The following ATM variants were observed in gnomAD, a reference collection of about 807,000 sequenced individuals.
ATM encodes ATM serine/threonine kinase.
A neutral mutation model predicts 387.0 loss-of-function variants in ATM; 308 were observed. The ratio of observed to expected loss-of-function variants is 0.80; its 90% CI spans 0.73 to 0.87. The LOEUF (loss-of-function observed/expected upper bound fraction) is 0.87, where lower values mean the gene tolerates loss of function less well. ATM is among the 40% of genes least tolerant of loss of function. The pLI is 0.00. For synonymous variants in ATM, 1,156 were observed against 1,187.3 expected (o/e 0.97, Z 0.54); for missense variants, 3,312 against 3,560.9 (o/e 0.93, Z 1.78).
At chr11:108,335,250 A>G (rs1159507302) in intron 55 of ATM, 141 bp downstream of exon 55, 1 of 1,537,082 alleles carries the variant, frequency 6.5e-7, no homozygotes, top group East Asian at 2.4e-5. Context: ...GTAGAAATGC[A>G]TTATTTTCTA....
intron 56 of ATM, chr11:108,340,226 T>C (rs1019860101): frequency 2.0e-5 from 3 of 152,176 alleles, no homozygotes; most frequent in African/African-American, 7.2e-5. Context: ...ATGAACCCCC[T>C]TGTACTTGTC....
At chr11:108,252,716 T>C (rs1591530382) in intron 11 of ATM, 101 bp from the exon 12 acceptor site, 2 of 828,830 alleles carry the variant, frequency 2.4e-6, no homozygotes, top group Non-Finnish European at 3.9e-6. Flanking sequence ...GATCCAAATT[T>C]TAGAAGTCAA....
rs876659907 is a variant in ATM, at chr11:108,268,613, A to G, written c.2838+4A>G. 3 of 1,613,164 alleles carry G rather than the reference A, an allele frequency of 1.9e-6. No individual in the cohort carries two copies. The African/African-American group carries it at 4.0e-5, about 22-fold the overall frequency. ...CAAATCCCTCCACCTGCATATGGTGAGTTACGTTAAATGAAGAAGCTCTTG... is the reference window on the plus strand; with the variant it reads ...CAAATCCCTCCACCTGCATATGGTGGGTTACGTTAAATGAAGAAGCTCTTG... On this transcript the variant is annotated splice_donor_region_variant and intron_variant, in intron 18 of 62. Coordinates refer to ENST00000675843, the MANE Select transcript of ATM (RefSeq NM_000051.4).
At chr11:108,329,318 G>T (rs2086016249) in intron 49 of ATM, 80 bp downstream of exon 49, 3 of 1,286,366 alleles carry the variant, frequency 2.3e-6, no homozygotes, top group Non-Finnish European at 3.3e-6. Flanking sequence ...GAGTGACTTG[G>T]TCTTTTTATC....
rs1565608982 is a variant in ATM, at chr11:108,365,370, G to T, written c.9033G>T (p.Met3011Ile). 1 of 1,614,142 alleles carries T rather than the reference G, an allele frequency of 6.2e-7. No homozygotes were observed. The highest frequency in any genetic ancestry group is 8.5e-7 in the Non-Finnish European group (1 of 1,180,028). The change falls in exon 63 of 63, where the codon ATG becomes ATT. Residue 3011 changes from methionine to isoleucine, a missense_variant. Physicochemically the swap from Met to Ile is conservative, Grantham distance 10 (BLOSUM62 1). Coordinates refer to ENST00000675843, the MANE Select transcript of ATM (RefSeq NM_000051.4). ...SFNKVAERVL[M>I]RLQEKLKGVE... Reference sequence around the variant, plus strand: ...ACAAAGTAGCTGAACGTGTCTTAATGAGACTACAAGAGAAACTGAAAGGAG... The same window carrying T: ...ACAAAGTAGCTGAACGTGTCTTAATTAGACTACAAGAGAAACTGAAAGGAG...
At chr11:108,323,882 G>A (rs2085410873) in intron 45 of ATM, among the ~76,000 whole-genome samples, 1 of 152,026 alleles carries the variant, frequency 6.6e-6, no homozygotes, top group Non-Finnish European at 1.5e-5. Flanking sequence ...AAATGCAGAA[G>A]CAGAGATAAG....
At chr11:108,262,109 T>C (rs2080929922) in intron 16 of ATM, among the ~76,000 whole-genome samples, 1 of 151,904 alleles carries the variant, frequency 6.6e-6, no homozygotes, top group African/African-American at 2.4e-5. Flanking sequence ...CAGGCCAACA[T>C]TCAGATTCAG....
Position 108,250,161 on chromosome 11 carries a change from TA to T in ATM, c.1236-539del, listed in dbSNP as rs1565380900. On this transcript the variant is annotated intron_variant, in intron 9 of 62. Transcript: ENST00000675843. ...TGCTAAATATATATATATATATATA[TA>T]TATTTTCTGAGACGGAGGCTCACTC... Among the ~76,000 whole-genome samples, 19 of 151,042 alleles carry T rather than the reference TA, an allele frequency of 1.3e-4. 1 individual carries two copies. Among genetic ancestry groups the T allele is most frequent in the Admixed American group, 5.9e-4 (9 of 15,162 alleles).
At chr11:108,260,873 G>T (rs186546799) in intron 16 of ATM, among the ~76,000 whole-genome samples, 1 of 152,232 alleles carries the variant, frequency 6.6e-6, no homozygotes, top group Non-Finnish European at 1.5e-5. Context: ...CAAAGAAAGG[G>T]GGGACGGACG....
chr11:108,277,993 G>T (rs1405907998), intron 22 of ATM, among the ~76,000 whole-genome samples: 1 of 151,884 alleles, frequency 6.6e-6, no homozygotes, highest in Admixed American at 6.6e-5. Flanking sequence ...AACAATACTT[G>T]GCATGTGATA....
chr11:108,284,227 A>G lies in ATM; in HGVS notation c.3747A>G (p.Arg1249=), dbSNP rs1480230476. 1 of 1,603,262 alleles carries G rather than the reference A, an allele frequency of 6.2e-7. No homozygotes were observed. The highest frequency in any genetic ancestry group is 8.5e-7 in the Non-Finnish European group (1 of 1,172,372). ...GTATTTTAAATTTTTCTATTTTTAG[A>G]TCTTGTTATAAGGTTTTGATTCCAC... The part of the protein sequence containing the change: ...LNYTNIEDFY[R]SCYKVLIPHL... Residue 1249 remains arginine, a splice_region_variant and synonymous_variant, in exon 26 of 63, where the codon AGA becomes AGG. Transcript: ENST00000675843.
Position 108,244,104 on chromosome 11 carries a change from TATTC to T in ATM, c.650_653del (p.Ile217SerfsTer12). On this transcript the variant is annotated frameshift_variant, in exon 6 of 63. Transcript: ENST00000675843. LOFTEE classifies it high-confidence loss of function. The stretch of plus-strand genomic sequence containing the variant: ...AATTTTTGGACTTTTTTTCCAAGGC[TATTC>T]AGTGTGCGAGGTAATCTAATCTCTT... 6.2e-7 allele frequency: 1 copy of T among 1,613,880 alleles called. No homozygotes were observed. The highest frequency in any genetic ancestry group is 8.5e-7 in the Non-Finnish European group (1 of 1,179,872).
intron 40 of ATM, among the ~76,000 whole-genome samples, chr11:108,314,395 T>TG (rs1253412128): frequency 3.9e-5 from 6 of 152,148 alleles, no homozygotes; most frequent in Non-Finnish European, 8.8e-5. Flanking sequence ...TGTGAGCCAC[T>TG]GCACCCAGCC....
intron 40 of ATM, 110 bp downstream of exon 40, chr11:108,312,608 C>T (rs1407032174): frequency 1.3e-6 from 1 of 781,134 alleles, no homozygotes; most frequent in East Asian, 2.6e-5. Context: ...AATTTACTTA[C>T]TGGACTAAGC....
At chr11:108,357,210 CCCA>C (rs1272422360) in intron 61 of ATM, among the ~76,000 whole-genome samples, 1 of 152,202 alleles carries the variant, frequency 6.6e-6, no homozygotes, top group African/African-American at 2.4e-5. Flanking sequence ...TCGGGTCACT[CCCA>C]CCCGAATATT....
rs1012219347 is a variant in ATM, at chr11:108,358,440, G to A, written c.8850+3566G>A. ...CCAACGTTCAGATTCAGGAAATACA[G>A]AGAATGCCACAAAGATACTCTTTGA... On this transcript the variant is annotated intron_variant, in intron 61 of 62. Transcript: ENST00000675843. Among the ~76,000 whole-genome samples, 30 of 151,130 alleles carry A rather than the reference G, an allele frequency of 2.0e-4. 1 individual carries two copies. The highest frequency in any genetic ancestry group is 1.7e-3 in the Admixed American group (25 of 15,114).
intron 56 of ATM, among the ~76,000 whole-genome samples, chr11:108,339,073 C>G (rs79274314): frequency 6.4e-4 from 98 of 152,318 alleles, no homozygotes; most frequent in African/African-American, 2.3e-3. Context: ...TGCCAGATAT[C>G]TCTTGTCAGA....
At position 108,365,177 on chromosome 11, in the gene ATM, T is replaced by C. The variant is rs780572651; in HGVS notation, c.8946T>C (p.Pro2982=). 1 of 1,614,230 alleles carries C rather than the reference T, an allele frequency of 6.2e-7. No individual in the cohort carries two copies. The highest frequency in any genetic ancestry group is 2.2e-5 in the East Asian group (1 of 44,890). ...QRPEDETELH[P]TLNADDQECK... ...CGGAAGATGAAACTGAGCTTCACCC[T>C]ACTCTGAATGCAGATGACCAAGAAT... Residue 2982 remains proline (P), a synonymous_variant, in exon 62 of 63, where the codon CCT becomes CCC. Coordinates refer to ENST00000675843, the MANE Select transcript of ATM (RefSeq NM_000051.4).
chr11:108,355,168 A>T (rs1402251050), intron 61 of ATM: 1 of 370,994 alleles, frequency 2.7e-6, no homozygotes, highest in Non-Finnish European at 5.0e-6. Context: ...TGGTATTATT[A>T]TTTTCAGAAT....
Sources: allele counts gnomAD v4.1 joint callset (sites outside exome capture counted in the v4.1 genomes callset), GRCh38; gene constraint gnomAD v4.1.1; transcripts MANE v1.5; gene names NCBI Gene and HGNC (gene_info 2026-07-23, HGNC 2026-07-21).